Variants in COLEC11 observed in about 807,000 individuals in gnomAD.
COLEC11 encodes the protein collectin-11.
A neutral mutation model predicts 27.3 loss-of-function variants in COLEC11; 20 were observed. The observed-to-expected ratio is 0.73, with a 90% CI of 0.51 to 1.06. The LOEUF (loss-of-function observed/expected upper bound fraction) is 1.06, where lower values mean the gene tolerates loss of function less well. COLEC11 is among the 50% of genes least tolerant of loss of function. The probability of loss-of-function intolerance (pLI) is 0.00; values close to 1 mark genes in which losing one functional copy is unlikely to be tolerated. For missense variants in COLEC11, 310 were observed against 383.0 expected (o/e 0.81, Z 1.59); for synonymous variants, 163 against 154.7 (o/e 1.05, Z -0.40).
rs537315026 is a variant in COLEC11 at position 3,627,991 on chromosome 2, C to G, written c.203-9542C>G. Reference sequence around the variant, plus strand: ...TTGCCCAGCCTGTGGCCACTCCAAACCATTGTTTTCAACTTCTGACATCAA... The same window carrying G: ...TTGCCCAGCCTGTGGCCACTCCAAAGCATTGTTTTCAACTTCTGACATCAA... On this transcript the variant is annotated intron_variant, in intron 3 of 6. Transcript: ENST00000349077. 3.9e-5 allele frequency among the ~76,000 whole-genome samples: 6 copies of G among 152,296 alleles called. No individual in the cohort carries two copies. In the South Asian group the frequency reaches 1.2e-3, roughly 32 times the overall value.
chr2:3,612,414 G>A (rs12987858), intron 2 of COLEC11, among the ~76,000 whole-genome samples: 101,866 of 151,920 alleles, frequency 0.67, 35,177 homozygotes, highest in South Asian at 0.88. Flanking sequence ...AGAGCCTCCC[G>A]GAGAACCAGG....
intron 3 of COLEC11, among the ~76,000 whole-genome samples, chr2:3,628,344 G>T (rs1664713359): frequency 6.6e-6 from 1 of 152,268 alleles, no homozygotes; most frequent in South Asian, 2.1e-4. Context: ...ATCTATGGAG[G>T]TGGGGCTCTG....
chr2:3,644,075 C>G lies in COLEC11; in HGVS notation c.773C>G (p.Thr258Ser). 6.2e-7 allele frequency: 1 copy of G among 1,613,612 alleles called. No individual in the cohort carries two copies. The highest frequency in any genetic ancestry group is 8.5e-7 in the Non-Finnish European group (1 of 1,180,044). Residue 258 changes from threonine (T) to serine (S), a missense_variant, in exon 7 of 7, where the codon ACC (threonine) becomes AGC (serine). Thr to Ser is a moderately conservative substitution (Grantham distance 58). Transcript: ENST00000349077. ...GGCTGGAACGACGTGGCCTGCCACA[C>G]CACCATGTACTTCATGTGTGAGTTT... ...SGGWNDVACH[T>S]TMYFMCEFDK... is the part of the protein sequence containing the mutation.
intron 3 of COLEC11, among the ~76,000 whole-genome samples, chr2:3,636,594 G>A (rs1665433235): frequency 6.6e-6 from 1 of 152,240 alleles, no homozygotes; most frequent in South Asian, 2.1e-4. Context: ...ACATGTCCAT[G>A]AAAAAGAATT....
intron 1 of COLEC11, among the ~76,000 whole-genome samples, chr2:3,597,179 G>C (rs1661894778): frequency 6.6e-6 from 1 of 152,020 alleles, no homozygotes; most frequent in South Asian, 2.1e-4. Flanking sequence ...TGAATGAATG[G>C]AGTGAAGGCA....
rs752943645 is a variant in COLEC11 at position 3,606,261 on chromosome 2, G to A, written c.130+1791G>A. 7 of 1,546,584 alleles carry A rather than the reference G, an allele frequency of 4.5e-6. No individual in the cohort carries two copies. In the East Asian group the frequency reaches 9.8e-5, roughly 22 times the overall value. On this transcript the variant is annotated intron_variant, in intron 2 of 6. Coordinates refer to ENST00000349077, the MANE Select transcript of COLEC11 (RefSeq NM_024027.5). ...CCTGCCAGGTCAGTAGCCTGCACTG[G>A]TGGGGGCCGTGGGGTGGGCTCCAGG... is the stretch of plus-strand genomic sequence containing the variant.
At chr2:3,623,326 A>C (rs770223307) in intron 3 of COLEC11, among the ~76,000 whole-genome samples, 1 of 152,200 alleles carries the variant, frequency 6.6e-6, no homozygotes, top group African/African-American at 2.4e-5. Context: ...TGATGTCCAC[A>C]TCACTCCCAA....
Position 3,640,294 on chromosome 2 carries a change from C to A in COLEC11, c.291C>A (p.Ser97=). The change falls in exon 5 of 7, where the codon TCC becomes TCA. Residue 97 remains serine (S), a synonymous_variant. Coordinates refer to ENST00000349077, the MANE Select transcript of COLEC11 (RefSeq NM_024027.5). The part of the protein sequence containing the change: ...PIGSKGEKGD[S]GDIGPPGPNG... ...TATTTTCAGGTGAGAAAGGAGATTC[C>A]GGTGACATAGGACCCCCTGGTCCTA... 1.2e-6 allele frequency: 2 copies of A among 1,602,118 alleles called. No individual in the cohort carries two copies. The highest frequency in any genetic ancestry group is 1.7e-6 in the Non-Finnish European group (2 of 1,169,178).
At chr2:3,626,031 G>C (rs1664529800) in intron 3 of COLEC11, 1 of 1,614,128 alleles carries the variant, frequency 6.2e-7, no homozygotes, top group Non-Finnish European at 8.5e-7. Flanking sequence ...AGCCAGTCGT[G>C]ACAGCTTCTG....
At chr2:3,605,994 T>C (rs1175040639) in intron 2 of COLEC11, 1 of 1,427,552 alleles carries the variant, frequency 7.0e-7, no homozygotes, top group Non-Finnish European at 9.4e-7. Flanking sequence ...GTACCTGCTT[T>C]AGAAAATGTT....
At chr2:3,625,126 A>G (rs1442288636) in intron 3 of COLEC11, among the ~76,000 whole-genome samples, 2 of 152,230 alleles carry the variant, frequency 1.3e-5, no homozygotes, top group Non-Finnish European at 2.9e-5. Flanking sequence ...TGCTGATCCA[A>G]GGCGGCAAGG....
At chr2:3,615,666 C>T (rs955544895) in intron 3 of COLEC11, among the ~76,000 whole-genome samples, 25 of 152,236 alleles carry the variant, frequency 1.6e-4, no homozygotes, top group Admixed American at 2.6e-4. Flanking sequence ...ACCTCCCAGA[C>T]GGGGTGGCGG....
At chr2:3,623,877 C>T (rs1037550651) in intron 3 of COLEC11, among the ~76,000 whole-genome samples, 1 of 152,182 alleles carries the variant, frequency 6.6e-6, no homozygotes, top group African/African-American at 2.4e-5. Flanking sequence ...TTCCTTGATA[C>T]TTTATATTCC....
intron 6 of COLEC11, 36 bp downstream of exon 6, chr2:3,643,575 A>C (rs749789779): frequency 4.4e-6 from 7 of 1,599,922 alleles, no homozygotes; most frequent in Non-Finnish European, 6.0e-6. Context: ...GCTCCCTCCC[A>C]CCTCCCAGCC....
intron 1 of COLEC11, among the ~76,000 whole-genome samples, chr2:3,599,810 C>T (rs1167914726): frequency 6.6e-6 from 1 of 152,210 alleles, no homozygotes; most frequent in African/African-American, 2.4e-5. Context: ...CCAGCTGTGC[C>T]CTTCCTCTCC....
intron 3 of COLEC11, among the ~76,000 whole-genome samples, chr2:3,629,588 A>ATG (rs1355183119): frequency 2.0e-5 from 3 of 152,184 alleles, no homozygotes; most frequent in African/African-American, 7.2e-5. Context: ...GCATATGTAT[A>ATG]TGTACCTGTG....
intron 3 of COLEC11, among the ~76,000 whole-genome samples, chr2:3,624,201 A>G (rs1664370703): frequency 6.6e-6 from 1 of 152,054 alleles, no homozygotes; most frequent in Admixed American, 6.5e-5. Flanking sequence ...CCCATCCCAC[A>G]CAGTCAAGCT....
intron 3 of COLEC11, among the ~76,000 whole-genome samples, chr2:3,619,804 T>G (rs1664054053): frequency 6.6e-6 from 1 of 152,148 alleles, no homozygotes; most frequent in Admixed American, 6.5e-5. Flanking sequence ...TTTTGTATTT[T>G]TAGTAGAGAT....
intron 3 of COLEC11, among the ~76,000 whole-genome samples, chr2:3,631,302 C>T (rs979313008): frequency 2.0e-5 from 3 of 152,158 alleles, no homozygotes; most frequent in African/African-American, 7.2e-5. Flanking sequence ...TAAAGCAAAG[C>T]AGACTGGCCG....
Sources: gnomAD v4.1 joint callset for allele counts (sites outside exome capture counted in the v4.1 genomes callset) on GRCh38, gnomAD v4.1.1 for gene constraint, MANE v1.5 for transcripts, NCBI Gene and HGNC (gene_info 2026-07-23, HGNC 2026-07-21) for gene names.